RAD54B: variants seen among roughly 807,000 people sequenced by gnomAD.
RAD54B encodes RAD54 homolog B.
A neutral mutation model predicts 95.8 loss-of-function variants in RAD54B; 78 were observed. That is an observed-to-expected ratio of 0.81 (90% CI 0.68 to 0.98). RAD54B has a LOEUF of 0.98. Ranked by LOEUF, RAD54B falls within the 50% of genes least tolerant of loss-of-function variation. The pLI is 0.00. For missense variants in RAD54B, 957 were observed against 1,056.6 expected (o/e 0.91, Z 1.31); for synonymous variants, 328 against 354.9 (o/e 0.92, Z 0.85).
chr8:94,386,598 G>T (rs1051248153), intron 11 of RAD54B, among the ~76,000 whole-genome samples: 1 of 127,622 alleles, frequency 7.8e-6, no homozygotes, highest in African/African-American at 3.1e-5. Context: ...GTGTGTGCAT[G>T]TGTGTGTGCA....
At chr8:94,393,670 A>G (rs1022352006) in intron 9 of RAD54B, 73 bp downstream of exon 9, 1 of 1,386,534 alleles carries the variant, frequency 7.2e-7, no homozygotes, top group African/African-American at 1.5e-5. Flanking sequence ...CTAAATCAAA[A>G]TAATATGAAG....
chr8:94,446,814 G>A (rs1027133659), intron 3 of RAD54B, among the ~76,000 whole-genome samples: 1 of 152,076 alleles, frequency 6.6e-6, no homozygotes, highest in Non-Finnish European at 1.5e-5. Context: ...GCTAGATGGT[G>A]GCCACCAAGG....
At chr8:94,441,500 T>A (rs868373040) in intron 3 of RAD54B, among the ~76,000 whole-genome samples, 1 of 152,184 alleles carries the variant, frequency 6.6e-6, no homozygotes, top group Non-Finnish European at 1.5e-5. Flanking sequence ...AAGAGATGCA[T>A]AGGGCAAGTT....
intron 3 of RAD54B, among the ~76,000 whole-genome samples, chr8:94,414,135 CT>C (rs1440282131): frequency 6.6e-6 from 1 of 152,062 alleles, no homozygotes; most frequent in Non-Finnish European, 1.5e-5. Context: ...TGCACCCAGC[CT>C]AAGAATTCTT....
At chr8:94,464,164 G>C (rs1278992220) in intron 2 of RAD54B, among the ~76,000 whole-genome samples, 1 of 152,126 alleles carries the variant, frequency 6.6e-6, no homozygotes, top group Admixed American at 6.6e-5. Flanking sequence ...GTGGTAAAAA[G>C]GACTTTGCAG....
intron 14 of RAD54B, among the ~76,000 whole-genome samples, chr8:94,373,563 A>G (rs768768288): frequency 6.6e-6 from 1 of 152,242 alleles, no homozygotes; most frequent in Non-Finnish European, 1.5e-5. Flanking sequence ...AAGAGCTCCA[A>G]GTGAAAGAAC....
intron 3 of RAD54B, among the ~76,000 whole-genome samples, chr8:94,456,989 T>A (rs1348635801): frequency 6.6e-6 from 1 of 152,218 alleles, no homozygotes; most frequent in African/African-American, 2.4e-5. Context: ...TTATTTTATC[T>A]TAACTCTTAA....
At chr8:94,428,049 A>G (rs1313617430) in intron 3 of RAD54B, 2 of 947,648 alleles carry the variant, frequency 2.1e-6, no homozygotes, top group East Asian at 2.3e-4. Flanking sequence ...TTTTCTCAGG[A>G]TGTCATTATA....
At chr8:94,389,810 A>G (rs1810972475) in intron 10 of RAD54B, among the ~76,000 whole-genome samples, 1 of 152,192 alleles carries the variant, frequency 6.6e-6, no homozygotes, top group South Asian at 2.1e-4. Flanking sequence ...CAGACTATAA[A>G]TTATGTACCC....
chr8:94,432,569 C>T (rs770279073), intron 3 of RAD54B: 141 of 1,550,208 alleles, frequency 9.1e-5, no homozygotes, highest in Middle Eastern at 5.0e-4. Flanking sequence ...CTTCTTGCTT[C>T]ACCTCCACTG....
At chr8:94,393,145 C>CT (rs915438297) in intron 9 of RAD54B, among the ~76,000 whole-genome samples, 5 of 151,860 alleles carry the variant, frequency 3.3e-5, no homozygotes, top group African/African-American at 7.3e-5. Context: ...AATAAATGTA[C>CT]TTTTTTTTAT....
At chr8:94,433,047 T>C (rs911978249) in intron 3 of RAD54B, among the ~76,000 whole-genome samples, 1 of 152,156 alleles carries the variant, frequency 6.6e-6, no homozygotes, top group Admixed American at 6.6e-5. Context: ...GTTATCCCCA[T>C]ACCTTAGCCC....
chr8:94,411,210 T>C lies in RAD54B; in HGVS notation c.410A>G (p.Lys137Arg), dbSNP rs1811519638. ...SVVWCKPSKK[K>R]HKKWEGDAVL... ...AGCATCACCTTCCCACTTTTTATGT[T>C]TTTTCTTTGAAGGCTTACACCAAAC... Residue 137 changes from lysine to arginine, a missense_variant, in exon 4 of 15, where the codon AAA becomes AGA. Physicochemically the swap from Lys to Arg is conservative, Grantham distance 26. Coordinates refer to ENST00000336148, the MANE Select transcript of RAD54B (RefSeq NM_012415.3). 6.2e-7 allele frequency: 1 copy of C among 1,611,882 alleles called. No homozygotes were observed. Among genetic ancestry groups the C allele is most frequent in the Non-Finnish European group, 8.5e-7 (1 of 1,179,142 alleles).
chr8:94,372,340 G>C lies in RAD54B; in HGVS notation c.2563C>G (p.Pro855Ala). The C allele has an allele frequency of 6.2e-7, 1 of 1,613,700 alleles. No individual in the cohort carries two copies. The highest frequency in any genetic ancestry group is 1.1e-5 in the South Asian group (1 of 91,046). ...FIVSRDCQLG[P>A]HHQKSNSLKP... The stretch of plus-strand genomic sequence containing the variant: ...AGGGAGTTAGATTTCTGGTGATGTG[G>C]ACCAAGCTGACAATCTCTAGAGACA... Residue 855 changes from proline (P) to alanine (A), a missense_variant, in exon 15 of 15, where the codon CCA (proline) becomes GCA (alanine). Physicochemically the swap from Pro to Ala is conservative, Grantham distance 27. Transcript: ENST00000336148.
intron 14 of RAD54B, among the ~76,000 whole-genome samples, chr8:94,372,743 C>A (rs1449266766): frequency 6.6e-6 from 1 of 152,064 alleles, no homozygotes; most frequent in Non-Finnish European, 1.5e-5. Context: ...GAATATAATT[C>A]GAACAATCTG....
chr8:94,425,822 A>T (rs1430539448), intron 3 of RAD54B, among the ~76,000 whole-genome samples: 1 of 152,068 alleles, frequency 6.6e-6, no homozygotes, highest in Non-Finnish European at 1.5e-5. Flanking sequence ...AAATGAAAAA[A>T]AAAAAAACCA....
intron 3 of RAD54B, among the ~76,000 whole-genome samples, chr8:94,446,406 T>A (rs777035857): frequency 6.6e-6 from 1 of 152,132 alleles, no homozygotes; most frequent in Non-Finnish European, 1.5e-5. Context: ...ACACAGGGCA[T>A]CAAAGGTGAA....
At chr8:94,474,622 A>G (rs1813252391) in intron 1 of RAD54B, among the ~76,000 whole-genome samples, 1 of 152,202 alleles carries the variant, frequency 6.6e-6, no homozygotes, top group South Asian at 2.1e-4. Flanking sequence ...GGACGCTCGC[A>G]GAGCCTTCAC....
At chr8:94,404,386 G>T in intron 5 of RAD54B, 147 bp from the exon 6 acceptor site, 2 of 608,270 alleles carry the variant, frequency 3.3e-6, no homozygotes, top group South Asian at 7.0e-5. Flanking sequence ...GTTACCCAAG[G>T]GCACAAAATT....
Sources: allele counts gnomAD v4.1 joint callset (sites outside exome capture counted in the v4.1 genomes callset), GRCh38; gene constraint gnomAD v4.1.1; transcripts MANE v1.5; gene names NCBI Gene and HGNC (gene_info 2026-07-23, HGNC 2026-07-21).